WWOX: variants seen among roughly 807,000 people sequenced by gnomAD.
WWOX encodes the protein WW domain containing oxidoreductase, also known as WW domain-containing oxidoreductase.
Under a neutral mutation model 46.2 loss-of-function variants are expected in WWOX, and 69 were observed. The ratio of observed to expected loss-of-function variants is 1.49; its 90% confidence interval spans 1.23 to 1.82. WWOX has a LOEUF of 1.82. WWOX is among the 40% of genes most tolerant of loss of function. The pLI is 0.00. For missense variants in WWOX, 919 were observed against 542.6 expected (o/e 1.69, Z -6.89); for synonymous variants, 359 against 202.6 (o/e 1.77, Z -6.56).
At chr16:79,036,617 C>T (rs1222643829) in intron 8 of WWOX, among the ~76,000 whole-genome samples, 1 of 152,184 alleles carries the variant, frequency 6.6e-6, no homozygotes, top group African/African-American at 2.4e-5. Context: ...GAAAGGCTTA[C>T]CAACTCCATT....
intron 8 of WWOX, among the ~76,000 whole-genome samples, chr16:78,906,029 G>GCAT (rs1567639784): frequency 2.5e-4 from 16 of 63,420 alleles, no homozygotes; most frequent in African/African-American, 4.6e-4. Context: ...ATGCAATGAT[G>GCAT]GATGAATGAA....
chr16:78,264,985 C>G (rs1349379627), intron 5 of WWOX: 3 of 119,764 alleles, frequency 2.5e-5, no homozygotes, highest in Admixed American at 8.8e-5. Context: ...CTTCCCTTCC[C>G]TTTCTTTCTT....
chr16:78,729,003 T>C (rs960095522), intron 8 of WWOX, among the ~76,000 whole-genome samples: 6 of 152,200 alleles, frequency 3.9e-5, no homozygotes, highest in East Asian at 3.9e-4. Context: ...TGTAGTGGTT[T>C]GTAGGGTCAT....
At chr16:78,174,197 A>G (rs886509098) in intron 5 of WWOX, among the ~76,000 whole-genome samples, 1 of 152,230 alleles carries the variant, frequency 6.6e-6, no homozygotes, top group Non-Finnish European at 1.5e-5. Flanking sequence ...CTGGACTTAC[A>G]GTTCCACATG....
At chr16:78,312,088 T>G (rs184034586) in intron 5 of WWOX, among the ~76,000 whole-genome samples, 125 of 152,318 alleles carry the variant, frequency 8.2e-4, no homozygotes, top group African/African-American at 2.9e-3. Flanking sequence ...TCTCTGGTTC[T>G]TTGTCTTTTG....
rs548296154 is a variant in WWOX, at chr16:78,220,601, C to T, written c.516+56312C>T. Among the ~76,000 whole-genome samples, 13 of 152,138 alleles carry T rather than the reference C, an allele frequency of 8.5e-5. No individual in the cohort carries two copies. The South Asian group carries it at 2.1e-3, about 24-fold the overall frequency. On this transcript the variant is annotated intron_variant, in intron 5 of 8. Coordinates refer to ENST00000566780, the MANE Select transcript of WWOX (RefSeq NM_016373.4). ...GGGTATTAACCTTTAACATAGCTAG[C>T]GAAAATTGAACATTTTTATTTGAAA... is the stretch of plus-strand genomic sequence containing the variant.
At chr16:78,151,501 T>C (rs925079687) in intron 4 of WWOX, among the ~76,000 whole-genome samples, 2 of 152,180 alleles carry the variant, frequency 1.3e-5, no homozygotes, top group African/African-American at 4.8e-5. Context: ...CATGGCGTGG[T>C]ACCCAGCCAA....
At chr16:78,402,885 A>G (rs1314859993) in intron 6 of WWOX, among the ~76,000 whole-genome samples, 2 of 152,146 alleles carry the variant, frequency 1.3e-5, no homozygotes, top group Non-Finnish European at 2.9e-5. Flanking sequence ...CTCCACTACC[A>G]CATGTGAATT....
intron 4 of WWOX, among the ~76,000 whole-genome samples, chr16:78,151,458 A>G (rs932573979): frequency 6.6e-6 from 1 of 152,100 alleles, no homozygotes; most frequent in Non-Finnish European, 1.5e-5. Context: ...TGTAGAGAAT[A>G]CCTTAGAATT....
At position 78,767,423 on chromosome 16, in the gene WWOX, C is replaced by G. The variant is rs572331493; in HGVS notation, c.1056+334671C>G. Among the ~76,000 whole-genome samples, 8 of 152,098 alleles carry G rather than the reference C, an allele frequency of 5.3e-5. No individual in the cohort carries two copies. In the South Asian group the frequency reaches 1.5e-3, roughly 28 times the overall value. On this transcript the variant is annotated intron_variant, in intron 8 of 8. Coordinates refer to ENST00000566780, the MANE Select transcript of WWOX (RefSeq NM_016373.4). Reference sequence around the variant, plus strand: ...GCGCTGAGATGACTGCGCCACCACACCTGCCACAAAATTTCTTTGTTATGG... The same window carrying G: ...GCGCTGAGATGACTGCGCCACCACAGCTGCCACAAAATTTCTTTGTTATGG...
intron 8 of WWOX, among the ~76,000 whole-genome samples, chr16:78,671,515 G>C (rs2047463121): frequency 6.6e-6 from 1 of 152,122 alleles, no homozygotes; most frequent in Non-Finnish European, 1.5e-5. Context: ...AACTTGTGAT[G>C]GTTTAGCTTA....
chr16:78,748,004 C>T (rs1445696068), intron 8 of WWOX, among the ~76,000 whole-genome samples: 1 of 152,194 alleles, frequency 6.6e-6, no homozygotes, highest in African/African-American at 2.4e-5. Context: ...AACTCCAAGT[C>T]CATCTGCGCC....
At chr16:78,643,419 A>G (rs1469061134) in intron 8 of WWOX, among the ~76,000 whole-genome samples, 1 of 152,050 alleles carries the variant, frequency 6.6e-6, no homozygotes, top group Non-Finnish European at 1.5e-5. Context: ...CCGGGGCTTG[A>G]ACCCCTGTCT....
At chr16:78,737,657 C>A (rs939253466) in intron 8 of WWOX, among the ~76,000 whole-genome samples, 2 of 152,272 alleles carry the variant, frequency 1.3e-5, no homozygotes, top group African/African-American at 4.8e-5. Context: ...CATAGTTTAG[C>A]TCCCAGTCTA....
At chr16:78,823,851 C>T (rs1020704931) in intron 8 of WWOX, among the ~76,000 whole-genome samples, 5 of 151,672 alleles carry the variant, frequency 3.3e-5, no homozygotes, top group Admixed American at 1.3e-4. Flanking sequence ...TCATAGCTCA[C>T]TACAACCTCC....
At chr16:78,699,614 A>G (rs1480115482) in intron 8 of WWOX, among the ~76,000 whole-genome samples, 2 of 152,170 alleles carry the variant, frequency 1.3e-5, no homozygotes, top group African/African-American at 4.8e-5. Context: ...CAGCAGCATT[A>G]TTTTTTGGTT....
At chr16:79,001,511 G>A (rs559254976) in intron 8 of WWOX, among the ~76,000 whole-genome samples, 2 of 152,238 alleles carry the variant, frequency 1.3e-5, no homozygotes, top group East Asian at 1.9e-4. Context: ...ACCCAGTAGA[G>A]AAATTAAGTC....
At chr16:78,624,952 A>G (rs2046278078) in intron 8 of WWOX, among the ~76,000 whole-genome samples, 1 of 152,186 alleles carries the variant, frequency 6.6e-6, no homozygotes, top group Admixed American at 6.5e-5. Context: ...GGGTAAGAAC[A>G]TCATGGCCCC....
intron 8 of WWOX, among the ~76,000 whole-genome samples, chr16:79,185,160 A>G (rs1177252786): frequency 6.6e-6 from 1 of 152,210 alleles, no homozygotes; most frequent in South Asian, 2.1e-4. Flanking sequence ...CCTCTGTGAA[A>G]TATAGGGAAA....
Sources: gnomAD v4.1 joint callset for allele counts (sites outside exome capture counted in the v4.1 genomes callset) on GRCh38, gnomAD v4.1.1 for gene constraint, MANE v1.5 for transcripts, NCBI Gene and HGNC (gene_info 2026-07-23, HGNC 2026-07-21) for gene names.